SLC2A13: variants seen among roughly 807,000 people sequenced by gnomAD.
The protein encoded by SLC2A13 is solute carrier family 2 member 13, also known as proton myo-inositol cotransporter.
A neutral mutation model predicts 64.4 loss-of-function variants in SLC2A13; 32 were observed. The ratio of observed to expected loss-of-function variants is 0.50; its 90% CI spans 0.37 to 0.67. The LOEUF (loss-of-function observed/expected upper bound fraction) is 0.67, where lower values mean the gene tolerates loss of function less well. Ranked by LOEUF, SLC2A13 falls within the 30% of genes least tolerant of loss-of-function variation. The pLI is 0.00. For synonymous variants in SLC2A13, 338 were observed against 327.1 expected (o/e 1.03, Z -0.36); for missense variants, 743 against 829.2 (o/e 0.90, Z 1.28).
chr12:39,777,923 G>A (rs968672462), intron 7 of SLC2A13, among the ~76,000 whole-genome samples: 1 of 152,226 alleles, frequency 6.6e-6, no homozygotes, highest in Admixed American at 6.5e-5. Flanking sequence ...CTCTGTCCCT[G>A]CAGTAAGGCA....
intron 7 of SLC2A13, among the ~76,000 whole-genome samples, chr12:39,822,928 A>T (rs923342466): frequency 6.6e-6 from 1 of 152,196 alleles, no homozygotes; most frequent in African/African-American, 2.4e-5. Flanking sequence ...GAGGGAGATA[A>T]ATTACTCAGA....
intron 3 of SLC2A13, among the ~76,000 whole-genome samples, chr12:40,022,016 G>C (rs777361962): frequency 6.6e-6 from 1 of 151,842 alleles, no homozygotes; most frequent in African/African-American, 2.4e-5. Flanking sequence ...AAGACTTCAT[G>C]ACCAAATTGC....
chr12:40,055,842 T>C (rs1331753427), intron 1 of SLC2A13, among the ~76,000 whole-genome samples: 1 of 152,036 alleles, frequency 6.6e-6, no homozygotes, highest in East Asian at 1.9e-4. Context: ...TTCCTTCTCT[T>C]TAAAATATTC....
In SLC2A13 at chr12:40,011,819, T is replaced by C. The variant is rs931781161; in HGVS notation, c.925+16482A>G. Among the ~76,000 whole-genome samples the C allele has an allele frequency of 2.0e-5, 3 of 152,080 alleles. No individual in the cohort carries two copies. The East Asian group carries it at 5.8e-4, about 29-fold the overall frequency. Reference sequence around the variant, plus strand: ...CTAATTTGTAGGGCTGAGGGCAAAATGAAAATGTGAGTCCCGTGCTCAAAA... The same window carrying C: ...CTAATTTGTAGGGCTGAGGGCAAAACGAAAATGTGAGTCCCGTGCTCAAAA... On this transcript the variant is annotated intron_variant, in intron 3 of 9. Coordinates refer to ENST00000280871, the MANE Select transcript of SLC2A13 (RefSeq NM_052885.4).
At chr12:40,099,989 T>C (rs982116126) in intron 1 of SLC2A13, among the ~76,000 whole-genome samples, 2 of 152,196 alleles carry the variant, frequency 1.3e-5, no homozygotes, top group Admixed American at 6.5e-5. Flanking sequence ...CAACTATGCT[T>C]ACCTTAAATG....
Position 40,105,954 on chromosome 12 carries a change from C to T in SLC2A13, c.-146G>A. The stretch of plus-strand genomic sequence containing the variant: ...TCCGCTCCGGCTGCCACGGCAGCAG[C>T]CGCCGCCACGGCCGCTCCGGGGAGA... On this transcript the variant is annotated 5_prime_UTR_variant, in exon 1 of 10. Transcript: ENST00000280871. This position sits in a 1 kb window ranked among gnomAD's most constrained non-coding sequence, Gnocchi z 4.2. 1 of 1,018,362 alleles carries T rather than the reference C, an allele frequency of 9.8e-7. No homozygotes were observed. The highest frequency in any genetic ancestry group is 1.3e-6 in the Non-Finnish European group (1 of 778,478). The allele number at this position is 1,018,362 out of a possible 1,614,324, so 63.1% of individuals were successfully genotyped here.
chr12:39,827,151 T>TAACATTCCATGTGGTCCTAAC (rs1942716917), intron 7 of SLC2A13, among the ~76,000 whole-genome samples: 3 of 151,968 alleles, frequency 2.0e-5, no homozygotes, highest in African/African-American at 7.2e-5. Flanking sequence ...AACATGCCTC[T>TAACATTCCATGTGGTCCTAAC]ATGGATGTCT....
chr12:40,080,048 G>A (rs955848897), intron 1 of SLC2A13, among the ~76,000 whole-genome samples: 3 of 152,144 alleles, frequency 2.0e-5, no homozygotes, highest in Non-Finnish European at 4.4e-5. Context: ...TCTTAGTAGA[G>A]ACAGGGTTTC....
rs1940290305 is a variant in SLC2A13 at position 39,764,831 on chromosome 12, T to C, written c.1473A>G (p.Thr491=). 2 of 1,612,394 alleles carry C rather than the reference T, an allele frequency of 1.2e-6. No homozygotes were observed. Among genetic ancestry groups the C allele is most frequent in the East Asian group, 4.5e-5 (2 of 44,790 alleles). The change falls in exon 8 of 10, where the codon ACA becomes ACG. Residue 491 remains threonine (T), a synonymous_variant. Transcript: ENST00000280871. The part of the protein sequence containing the change: ...GRCENETKFK[T]EDIFWAYNFC... The stretch of plus-strand genomic sequence containing the variant: ...AATTGTAAGCCCAAAATATATCTTC[T>C]GTTTTGAACTTGGTTTCATTTTCAC...
intron 6 of SLC2A13, among the ~76,000 whole-genome samples, chr12:39,847,628 C>A (rs1225512614): frequency 6.6e-6 from 1 of 151,952 alleles, no homozygotes; most frequent in Non-Finnish European, 1.5e-5. Flanking sequence ...AGGATAGGAG[C>A]CTGGATGCCT....
At chr12:39,948,368 T>C (rs1946174626) in intron 4 of SLC2A13, among the ~76,000 whole-genome samples, 1 of 152,204 alleles carries the variant, frequency 6.6e-6, no homozygotes, top group African/African-American at 2.4e-5. Context: ...ATATACTGTC[T>C]ATAGATAAAT....
chr12:40,041,098 G>A (rs1224780448), intron 2 of SLC2A13, among the ~76,000 whole-genome samples: 2 of 152,040 alleles, frequency 1.3e-5, no homozygotes, highest in African/African-American at 2.4e-5. Context: ...GATTACAGGC[G>A]CCCACCACCG....
At chr12:40,097,377 A>C (rs1222765411) in intron 1 of SLC2A13, among the ~76,000 whole-genome samples, 1 of 152,182 alleles carries the variant, frequency 6.6e-6, no homozygotes, top group Non-Finnish European at 1.5e-5. Flanking sequence ...AACAAATAGG[A>C]CTACATCAAA....
intron 3 of SLC2A13, among the ~76,000 whole-genome samples, chr12:39,966,465 T>A (rs960998995): frequency 7.2e-5 from 11 of 152,168 alleles, no homozygotes; most frequent in African/African-American, 2.7e-4. Flanking sequence ...TGGCAGAATT[T>A]CAGTAGAGAA....
intron 4 of SLC2A13, among the ~76,000 whole-genome samples, chr12:39,906,355 C>T (rs1483448879): frequency 6.6e-6 from 1 of 152,062 alleles, no homozygotes; most frequent in Non-Finnish European, 1.5e-5. Context: ...GTCAGTCCTC[C>T]TGCTGTTTAT....
chr12:39,809,374 A>G (rs1466535153), intron 7 of SLC2A13, among the ~76,000 whole-genome samples: 1 of 152,200 alleles, frequency 6.6e-6, no homozygotes, highest in Non-Finnish European at 1.5e-5. Flanking sequence ...TGTTTTGGCC[A>G]TTCCAGTTCT....
intron 7 of SLC2A13, among the ~76,000 whole-genome samples, chr12:39,795,221 C>CT (rs1056780260): frequency 2.7e-4 from 41 of 151,780 alleles, no homozygotes; most frequent in Admixed American, 2.4e-3. Context: ...TGTGTCACAT[C>CT]TTTTTTTTAA....
chr12:39,757,451 A>T lies in SLC2A13; in HGVS notation c.*2575T>A, dbSNP rs1939999161. 6.6e-6 allele frequency: 1 copy of T among 151,706 alleles called. No homozygotes were observed. The highest frequency in any genetic ancestry group is 1.5e-5 in the Non-Finnish European group (1 of 67,688). The allele number at this position is 151,706 out of a possible 1,614,324, so 9.4% of individuals were successfully genotyped here. A position where few individuals can be genotyped will look rare whatever the true frequency, so the allele number is the denominator to read the frequency against. On this transcript the variant is annotated 3_prime_UTR_variant, in exon 10 of 10. Transcript: ENST00000280871. ...GTGCCTAATATAAAAAAACCTGCAA[A>T]ATTTAAACATTTAATTTTTAATATA...
At chr12:39,965,701 T>TA (rs1946498686) in intron 3 of SLC2A13, among the ~76,000 whole-genome samples, 1 of 152,152 alleles carries the variant, frequency 6.6e-6, no homozygotes, top group African/African-American at 2.4e-5. Flanking sequence ...CCTTTTAGGA[T>TA]AGAGTACAAT....
Sources: allele counts gnomAD v4.1 joint callset (sites outside exome capture counted in the v4.1 genomes callset), GRCh38; gene constraint gnomAD v4.1.1; non-coding constraint Gnocchi (gnomAD v3.1); transcripts MANE v1.5; gene names NCBI Gene and HGNC (gene_info 2026-07-23, HGNC 2026-07-21).